ERC2: variants seen among roughly 807,000 people sequenced by gnomAD.
ERC2 encodes ERC protein 2.
Under a neutral mutation model 114.8 loss-of-function variants are expected in ERC2, and 42 were observed. The observed-to-expected ratio is 0.37, with a 90% CI of 0.29 to 0.47. ERC2 has a LOEUF of 0.47. Ranked by LOEUF, ERC2 falls within the 20% of genes least tolerant of loss-of-function variation. The probability of loss-of-function intolerance (pLI) is 0.99; values close to 1 mark genes in which losing one functional copy is unlikely to be tolerated. For synonymous variants in ERC2, 454 were observed against 425.5 expected, an observed-to-expected ratio of 1.07 and a Z score of -0.82; for missense variants, 939 against 1,150.7, an observed-to-expected ratio of 0.82 and a Z score of 2.66.
intron 17 of ERC2, among the ~76,000 whole-genome samples, chr3:55,672,484 T>G (rs2061603827): frequency 1.3e-5 from 2 of 152,190 alleles, no homozygotes; most frequent in African/African-American, 2.4e-5. Context: ...GTGTCTCATC[T>G]GTATAGCCCT....
intron 6 of ERC2, among the ~76,000 whole-genome samples, chr3:56,129,114 T>C (rs2080055139): frequency 6.6e-6 from 1 of 152,214 alleles, no homozygotes; most frequent in Non-Finnish European, 1.5e-5. Flanking sequence ...TATTCCTCCC[T>C]TTTTCTTAAT....
chr3:55,605,476 T>C (rs1274779547), intron 17 of ERC2, among the ~76,000 whole-genome samples: 1 of 152,232 alleles, frequency 6.6e-6, no homozygotes, highest in African/African-American at 2.4e-5. Flanking sequence ...CTTTTTCTTT[T>C]TAAGAATTAT....
chr3:55,754,252 C>T (rs2066908717), intron 14 of ERC2, among the ~76,000 whole-genome samples: 1 of 151,798 alleles, frequency 6.6e-6, no homozygotes, highest in Non-Finnish European at 1.5e-5. Context: ...GTACTTTTAT[C>T]TACAGATTCA....
At chr3:55,967,429 T>A (rs1019674598) in intron 12 of ERC2, among the ~76,000 whole-genome samples, 23 of 152,342 alleles carry the variant, frequency 1.5e-4, no homozygotes, top group African/African-American at 5.0e-4. Context: ...AACCTCGTAT[T>A]TCTCAGCCCA....
chr3:56,197,145 G>T (rs1358896180), intron 3 of ERC2, among the ~76,000 whole-genome samples: 1 of 152,160 alleles, frequency 6.6e-6, no homozygotes, highest in African/African-American at 2.4e-5. Context: ...ATGATGGAAA[G>T]CCCCAGCTCT....
chr3:56,390,107 G>C (rs1377254873), intron 2 of ERC2, among the ~76,000 whole-genome samples: 1 of 150,778 alleles, frequency 6.6e-6, no homozygotes, highest in African/African-American at 2.4e-5. Context: ...TTCTTACAAT[G>C]AAAAAAAAAT....
In ERC2 at chr3:55,604,186, G is replaced by A. The variant is rs115967937; in HGVS notation, c.*39+79608C>T. Reference sequence around the variant, plus strand: ...AGAATCTCTTCTTTCATTTGTCCACGATTTTTGAGGGCCAGATCTGTGTGA... The same window carrying A: ...AGAATCTCTTCTTTCATTTGTCCACAATTTTTGAGGGCCAGATCTGTGTGA... On this transcript the variant is annotated intron_variant, in intron 17 of 17. Transcript: ENST00000288221. 4.6e-3 allele frequency among the ~76,000 whole-genome samples: 693 copies of A among 152,072 alleles called. 4 individuals are homozygous for A. Among genetic ancestry groups the A allele is most frequent in the African/African-American group, 0.016 (656 of 41,488 alleles).
At chr3:55,971,708 C>T (rs1044944436) in intron 12 of ERC2, among the ~76,000 whole-genome samples, 7 of 152,146 alleles carry the variant, frequency 4.6e-5, no homozygotes, top group Non-Finnish European at 7.4e-5. Flanking sequence ...GGATCAGTAC[C>T]TTTCTCAAAT....
chr3:56,396,573 A>G (rs1357709882), intron 2 of ERC2, among the ~76,000 whole-genome samples: 1 of 152,244 alleles, frequency 6.6e-6, no homozygotes, highest in African/African-American at 2.4e-5. Context: ...ATGTTAATAC[A>G]TTCATAGGAA....
intron 2 of ERC2, among the ~76,000 whole-genome samples, chr3:56,313,769 T>C (rs1295568745): frequency 6.6e-6 from 1 of 152,240 alleles, no homozygotes; most frequent in Non-Finnish European, 1.5e-5. Context: ...CAATAGGCTG[T>C]GGCAGCTGAC....
At chr3:55,545,244 G>A (rs1164072148) in intron 17 of ERC2, among the ~76,000 whole-genome samples, 4 of 152,136 alleles carry the variant, frequency 2.6e-5, no homozygotes, top group East Asian at 1.9e-4. Context: ...AACTCCCTGC[G>A]TCAACATCCT....
chr3:56,123,118 C>T (rs776858765), intron 6 of ERC2, among the ~76,000 whole-genome samples: 5 of 152,154 alleles, frequency 3.3e-5, no homozygotes, highest in Non-Finnish European at 7.3e-5. Flanking sequence ...CAACCTCCTC[C>T]ATATCCAATT....
intron 1 of ERC2, among the ~76,000 whole-genome samples, chr3:56,450,442 A>G (rs994313228): frequency 1.3e-5 from 2 of 152,224 alleles, no homozygotes; most frequent in Non-Finnish European, 2.9e-5. Flanking sequence ...AATTTATTTC[A>G]AAGTGTTAAA....
chr3:55,934,432 A>G (rs1036562478), intron 13 of ERC2, among the ~76,000 whole-genome samples: 1 of 152,222 alleles, frequency 6.6e-6, no homozygotes, highest in East Asian at 1.9e-4. Flanking sequence ...CTTTACATTG[A>G]GAAGTCATTG....
At chr3:56,422,553 C>T (rs545881604) in intron 2 of ERC2, among the ~76,000 whole-genome samples, 8 of 152,154 alleles carry the variant, frequency 5.3e-5, no homozygotes, top group Non-Finnish European at 1.2e-4. Context: ...CTTCCTTCTT[C>T]GTTCTTGCTC....
chr3:55,535,941 G>A (rs528487861), intron 17 of ERC2, among the ~76,000 whole-genome samples: 61 of 151,998 alleles, frequency 4.0e-4, no homozygotes, highest in Non-Finnish European at 6.6e-4. Context: ...GGAGGTTGCA[G>A]TGAGCCGAGA....
At chr3:56,212,845 G>C (rs1357808603) in intron 3 of ERC2, among the ~76,000 whole-genome samples, 1 of 151,902 alleles carries the variant, frequency 6.6e-6, no homozygotes, top group Non-Finnish European at 1.5e-5. Flanking sequence ...ATAGTACTCA[G>C]CCATGAAAAG....
chr3:55,626,450 T>C (rs1366949368), intron 17 of ERC2, among the ~76,000 whole-genome samples: 2 of 152,224 alleles, frequency 1.3e-5, no homozygotes, highest in Non-Finnish European at 2.9e-5. Flanking sequence ...TGCTCTCCAG[T>C]CAGCCTAGGC....
chr3:56,315,081 C>T (rs1251885055), intron 2 of ERC2, among the ~76,000 whole-genome samples: 1 of 152,202 alleles, frequency 6.6e-6, no homozygotes, highest in Non-Finnish European at 1.5e-5. Flanking sequence ...GCCATAACCA[C>T]ATTCCTTACT....
Sources: allele counts gnomAD v4.1 joint callset (sites outside exome capture counted in the v4.1 genomes callset), GRCh38; gene constraint gnomAD v4.1.1; transcripts MANE v1.5; gene names NCBI Gene and HGNC (gene_info 2026-07-23, HGNC 2026-07-21).